Variants in COMMD10 observed in about 807,000 individuals in gnomAD.
COMMD10 encodes COMM domain containing 10.
COMMD10 carries 33 observed loss-of-function variants against 28.9 expected under a neutral mutation model. That is an observed-to-expected ratio of 1.14 (90% CI 0.87 to 1.53). COMMD10 has a LOEUF of 1.53. COMMD10 is among the 40% of genes most tolerant of loss of function. The probability of loss-of-function intolerance (pLI) is 0.00; values close to 1 mark genes in which losing one functional copy is unlikely to be tolerated. For missense variants in COMMD10, 310 were observed against 233.4 expected, an observed-to-expected ratio of 1.33 and a Z score of -2.14; for synonymous variants, 110 against 81.7, an observed-to-expected ratio of 1.35 and a Z score of -1.87.
intron 5 of COMMD10, among the ~76,000 whole-genome samples, chr5:116,287,721 G>A (rs1337390778): frequency 6.7e-6 from 1 of 149,138 alleles, no homozygotes. Flanking sequence ...ACTTCCTTTT[G>A]TGTGTATTCT....
At chr5:116,124,142 T>G (rs1751534468) in intron 4 of COMMD10, among the ~76,000 whole-genome samples, 1 of 152,174 alleles carries the variant, frequency 6.6e-6, no homozygotes, top group Admixed American at 6.5e-5. Flanking sequence ...GCTTCTCTAG[T>G]TCCTTTAAAT....
chr5:116,289,404 C>T (rs911206141), intron 5 of COMMD10, among the ~76,000 whole-genome samples: 1 of 151,812 alleles, frequency 6.6e-6, no homozygotes, highest in African/African-American at 2.4e-5. Context: ...CAGGGGAAGA[C>T]CTTCACTAAT....
At chr5:116,210,832 T>C (rs1235667621) in intron 5 of COMMD10, among the ~76,000 whole-genome samples, 5 of 152,116 alleles carry the variant, frequency 3.3e-5, no homozygotes, top group Admixed American at 6.6e-5. Flanking sequence ...AAAGAACTTA[T>C]TTTTCTCTCA....
At chr5:116,124,604 G>A (rs1751555864) in intron 4 of COMMD10, among the ~76,000 whole-genome samples, 1 of 152,170 alleles carries the variant, frequency 6.6e-6, no homozygotes, top group Admixed American at 6.5e-5. Flanking sequence ...GCAGAGCTGA[G>A]TTGAAGTCCT....
intron 5 of COMMD10, among the ~76,000 whole-genome samples, chr5:116,140,145 T>C (rs58484280): frequency 0.12 from 17,889 of 151,538 alleles, 1,571 homozygotes; most frequent in African/African-American, 0.24. Flanking sequence ...ACGTCTGGCT[T>C]ATTTCACTTA....
At chr5:116,288,567 C>A (rs566520991) in intron 5 of COMMD10, among the ~76,000 whole-genome samples, 2 of 151,620 alleles carry the variant, frequency 1.3e-5, no homozygotes, top group Non-Finnish European at 2.9e-5. Flanking sequence ...TTCTGGAATA[C>A]CCATCATGCA....
At chr5:116,210,594 C>T (rs1015055445) in intron 5 of COMMD10, among the ~76,000 whole-genome samples, 1 of 152,032 alleles carries the variant, frequency 6.6e-6, no homozygotes, top group Non-Finnish European at 1.5e-5. Context: ...TTTATCTAGT[C>T]AGCATTTATG....
chr5:116,235,084 G>A (rs917417198), intron 5 of COMMD10, among the ~76,000 whole-genome samples: 2 of 152,124 alleles, frequency 1.3e-5, no homozygotes, highest in Admixed American at 1.3e-4. Context: ...TCAGATCTGT[G>A]CCTTTTATAT....
chr5:116,271,383 T>C (rs1363561451), intron 5 of COMMD10, among the ~76,000 whole-genome samples: 1 of 149,892 alleles, frequency 6.7e-6, no homozygotes, highest in African/African-American at 2.5e-5. Flanking sequence ...ATCATTTCCA[T>C]AACCATTTTA....
intron 5 of COMMD10, among the ~76,000 whole-genome samples, chr5:116,225,065 C>T (rs1240413003): frequency 2.0e-5 from 3 of 152,074 alleles, no homozygotes; most frequent in East Asian, 1.9e-4. Flanking sequence ...ATTCTTTTGC[C>T]ATTTCCAATT....
At chr5:116,129,709 GTGTA>G (rs779431045) in intron 4 of COMMD10, among the ~76,000 whole-genome samples, 9 of 3,862 alleles carry the variant, frequency 2.3e-3, no homozygotes, top group South Asian at 3.6e-3. Context: ...ATATACATTA[GTGTA>G]TATATATACT....
intron 5 of COMMD10, among the ~76,000 whole-genome samples, chr5:116,186,773 A>C (rs1203312298): frequency 6.6e-6 from 1 of 152,182 alleles, no homozygotes; most frequent in East Asian, 1.9e-4. Flanking sequence ...AGTTCAGTGC[A>C]TCAGTTGTGT....
At chr5:116,150,031 G>A (rs953611757) in intron 5 of COMMD10, among the ~76,000 whole-genome samples, 1 of 152,050 alleles carries the variant, frequency 6.6e-6, no homozygotes, top group Non-Finnish European at 1.5e-5. Flanking sequence ...ATTAATTTTT[G>A]TATAAGGTGT....
Position 116,227,579 on chromosome 5 carries a change from A to G in COMMD10, c.511-63938A>G, listed in dbSNP as rs531105901. Among the ~76,000 whole-genome samples, 3 of 152,170 alleles carry G rather than the reference A, an allele frequency of 2.0e-5. No individual in the cohort carries two copies. In the South Asian group the frequency reaches 6.2e-4, roughly 32 times the overall value. ...CACAGGTAATAACCCGTCCACTATT[A>G]CCTGTGGGGGTTATGGAACATGTCC... On this transcript the variant is annotated intron_variant, in intron 5 of 6. Coordinates refer to ENST00000274458, the MANE Select transcript of COMMD10 (RefSeq NM_016144.4).
intron 5 of COMMD10, among the ~76,000 whole-genome samples, chr5:116,290,956 A>C (rs892311886): frequency 6.6e-6 from 1 of 152,164 alleles, no homozygotes; most frequent in Admixed American, 6.6e-5. Flanking sequence ...TGTGAAGTAA[A>C]AGGAAAGAGA....
intron 5 of COMMD10, among the ~76,000 whole-genome samples, chr5:116,203,382 A>G (rs895868041): frequency 6.6e-6 from 1 of 152,102 alleles, no homozygotes; most frequent in Non-Finnish European, 1.5e-5. Context: ...TTCAGGAAAT[A>G]CAGAGAACGC....
chr5:116,275,956 A>C (rs1182741090), intron 5 of COMMD10, among the ~76,000 whole-genome samples: 1 of 149,096 alleles, frequency 6.7e-6, no homozygotes, highest in Non-Finnish European at 1.5e-5. Flanking sequence ...TGAAAAAAAA[A>C]TGTATATATA....
At chr5:116,162,122 G>C (rs998559379) in intron 5 of COMMD10, among the ~76,000 whole-genome samples, 1 of 152,122 alleles carries the variant, frequency 6.6e-6, no homozygotes, top group Non-Finnish European at 1.5e-5. Flanking sequence ...TGCCCCTTAA[G>C]TAGATTCATT....
intron 5 of COMMD10, among the ~76,000 whole-genome samples, chr5:116,222,462 C>G (rs1166216892): frequency 6.6e-6 from 1 of 152,052 alleles, no homozygotes; most frequent in African/African-American, 2.4e-5. Flanking sequence ...ATTAAATTGA[C>G]TCATTGACTC....
Sources: gnomAD v4.1 joint callset for allele counts (sites outside exome capture counted in the v4.1 genomes callset) on GRCh38, gnomAD v4.1.1 for gene constraint, MANE v1.5 for transcripts, NCBI Gene and HGNC (gene_info 2026-07-23, HGNC 2026-07-21) for gene names.